SLC9A9: variants seen among roughly 807,000 people sequenced by gnomAD.
SLC9A9 encodes the protein sodium/hydrogen exchanger 9.
SLC9A9 carries 62 observed loss-of-function variants against 77.8 expected under a neutral mutation model. The observed-to-expected ratio is 0.80, with a 90% CI of 0.65 to 0.98. SLC9A9 has a LOEUF of 0.98. Among genes scored for constraint, SLC9A9 ranks in the 50% least tolerant of loss-of-function variants. The probability of loss-of-function intolerance (pLI) is 0.00; values close to 1 mark genes in which losing one functional copy is unlikely to be tolerated. For synonymous variants in SLC9A9, 320 were observed against 283.5 expected (o/e 1.13, Z -1.29); for missense variants, 775 against 774.9 (o/e 1.00, Z 0.00).
intron 6 of SLC9A9, among the ~76,000 whole-genome samples, chr3:143,598,409 T>A (rs2037793020): frequency 6.6e-6 from 1 of 152,228 alleles, no homozygotes; most frequent in African/African-American, 2.4e-5. Flanking sequence ...GCTGTAGCTG[T>A]GCCTTGAGAG....
intron 8 of SLC9A9, among the ~76,000 whole-genome samples, chr3:143,557,966 G>A (rs2037016070): frequency 1.3e-5 from 2 of 152,236 alleles, no homozygotes; most frequent in Non-Finnish European, 2.9e-5. Flanking sequence ...ATGTCTCCAA[G>A]GCATGTCAGA....
Position 143,423,903 on chromosome 3 carries a change from G to C in SLC9A9, c.1470-41789C>G, listed in dbSNP as rs145197488. On this transcript the variant is annotated intron_variant, in intron 12 of 15. Coordinates refer to ENST00000316549, the MANE Select transcript of SLC9A9 (RefSeq NM_173653.4). ...TGCTTCTGTTTTTCCTGTCAGCAAT[G>C]TACAGTCTGAATGTAATCATGAGGA... is the stretch of plus-strand genomic sequence containing the variant. Among the ~76,000 whole-genome samples, 3 of 152,304 alleles carry C rather than the reference G, an allele frequency of 2.0e-5. No homozygotes were observed. The East Asian group carries it at 5.8e-4, about 29-fold the overall frequency.
At chr3:143,339,216 A>G (rs1251657173) in intron 14 of SLC9A9, among the ~76,000 whole-genome samples, 2 of 152,152 alleles carry the variant, frequency 1.3e-5, no homozygotes, top group Non-Finnish European at 2.9e-5. Context: ...GCTTTGCTCT[A>G]TCTCACAATA....
intron 14 of SLC9A9, among the ~76,000 whole-genome samples, chr3:143,297,348 A>G (rs1412903247): frequency 6.6e-6 from 1 of 152,162 alleles, no homozygotes; most frequent in African/African-American, 2.4e-5. Flanking sequence ...TTGTGTGAAA[A>G]CATATAGGCC....
At chr3:143,465,279 T>A (rs1278863509) in intron 12 of SLC9A9, among the ~76,000 whole-genome samples, 2 of 152,356 alleles carry the variant, frequency 1.3e-5, no homozygotes, top group East Asian at 3.9e-4. Flanking sequence ...GGCTTTGTCC[T>A]ATAACCTGGA....
intron 14 of SLC9A9, 53 bp from the exon 15 acceptor site, chr3:143,269,033 C>G: frequency 1.5e-6 from 2 of 1,316,658 alleles, no homozygotes; most frequent in Non-Finnish European, 2.2e-6. Context: ...ATTTAGGAAT[C>G]TTACGCTGCA....
At chr3:143,522,701 G>A (rs1055808736) in intron 9 of SLC9A9, among the ~76,000 whole-genome samples, 2 of 152,080 alleles carry the variant, frequency 1.3e-5, no homozygotes, top group African/African-American at 4.8e-5. Flanking sequence ...AAAACAGCCA[G>A]ACCTACTAAA....
intron 9 of SLC9A9, among the ~76,000 whole-genome samples, chr3:143,528,365 G>C (rs1366430648): frequency 6.6e-6 from 1 of 152,188 alleles, no homozygotes; most frequent in East Asian, 1.9e-4. Context: ...TACATGATAG[G>C]CCCTCAATAA....
intron 4 of SLC9A9, among the ~76,000 whole-genome samples, chr3:143,708,734 C>T (rs1576673742): frequency 1.3e-5 from 2 of 152,172 alleles, no homozygotes; most frequent in African/African-American, 4.8e-5. Context: ...GGCTATTCTG[C>T]CTTCTGTATT....
At chr3:143,718,224 C>T (rs1934404092) in intron 4 of SLC9A9, among the ~76,000 whole-genome samples, 1 of 152,252 alleles carries the variant, frequency 6.6e-6, no homozygotes, top group East Asian at 1.9e-4. Context: ...GAAATAACCC[C>T]TTTTTCCTCT....
At chr3:143,484,355 T>C (rs1054032361) in intron 11 of SLC9A9, among the ~76,000 whole-genome samples, 2 of 152,250 alleles carry the variant, frequency 1.3e-5, no homozygotes, top group African/African-American at 4.8e-5. Context: ...CTGGCTTATG[T>C]TACCTTAAGT....
At chr3:143,384,046 C>T (rs2033364084) in intron 12 of SLC9A9, among the ~76,000 whole-genome samples, 2 of 152,102 alleles carry the variant, frequency 1.3e-5, no homozygotes, top group Admixed American at 1.3e-4. Context: ...CTTTAGGTTA[C>T]TGGGAAGAGC....
intron 5 of SLC9A9, among the ~76,000 whole-genome samples, chr3:143,667,404 T>A (rs1314163023): frequency 3.3e-5 from 5 of 152,126 alleles, no homozygotes; most frequent in Non-Finnish European, 7.3e-5. Flanking sequence ...GCAATACCAT[T>A]CAGGACATAG....
At chr3:143,846,313 T>C (rs1293407143) in intron 1 of SLC9A9, among the ~76,000 whole-genome samples, 2 of 152,234 alleles carry the variant, frequency 1.3e-5, no homozygotes, top group Non-Finnish European at 2.9e-5. Context: ...CTAAAGCACA[T>C]ATGTCCCTTT....
chr3:143,524,820 A>C (rs544320048), intron 9 of SLC9A9, among the ~76,000 whole-genome samples: 2 of 152,328 alleles, frequency 1.3e-5, no homozygotes, highest in South Asian at 4.1e-4. Context: ...GTTAGTTCTC[A>C]TGAGAATACG....
At chr3:143,537,493 C>T (rs1236545291) in intron 9 of SLC9A9, among the ~76,000 whole-genome samples, 1 of 152,248 alleles carries the variant, frequency 6.6e-6, no homozygotes, top group East Asian at 1.9e-4. Context: ...AATTTCAGGA[C>T]TGCCTCACTC....
intron 14 of SLC9A9, among the ~76,000 whole-genome samples, chr3:143,316,549 C>T (rs931989150): frequency 7.2e-5 from 11 of 152,088 alleles, no homozygotes; most frequent in Non-Finnish European, 1.5e-4. Flanking sequence ...CAGTGAATTG[C>T]CTTGGGGATA....
At chr3:143,634,156 T>C (rs2038474395) in intron 6 of SLC9A9, among the ~76,000 whole-genome samples, 1 of 152,064 alleles carries the variant, frequency 6.6e-6, no homozygotes, top group Non-Finnish European at 1.5e-5. Context: ...TCTTTAAGCT[T>C]GAAATTCAGT....
chr3:143,574,136 G>A lies in SLC9A9; in HGVS notation c.952C>T (p.Leu318=). ...FPMLETGLFF[L]LSWSAFLSAE... is the part of the protein sequence containing the mutation. The stretch of plus-strand genomic sequence containing the variant: ...GACAGGAAGGCACTCCAAGAAAGCA[G>A]GAAAAACAGGCCGGTTTCCAGCATC... The change falls in exon 8 of 16, where the codon CTG becomes TTG. Residue 318 remains leucine, a synonymous_variant. Transcript: ENST00000316549. 1 of 1,613,572 alleles carries A rather than the reference G, an allele frequency of 6.2e-7. No individual in the cohort carries two copies. The highest frequency in any genetic ancestry group is 8.5e-7 in the Non-Finnish European group (1 of 1,179,652).
Sources: gnomAD v4.1 joint callset for allele counts (sites outside exome capture counted in the v4.1 genomes callset) on GRCh38, gnomAD v4.1.1 for gene constraint, MANE v1.5 for transcripts, NCBI Gene and HGNC (gene_info 2026-07-23, HGNC 2026-07-21) for gene names.